HPD: variants seen among roughly 807,000 people sequenced by gnomAD.
HPD encodes 4-hydroxyphenylpyruvic acid oxidase.
Under a neutral mutation model 56.9 loss-of-function variants are expected in HPD, and 35 were observed. That is an observed-to-expected ratio of 0.62 (90% confidence interval 0.47 to 0.82). HPD has a LOEUF of 0.82. Ranked by LOEUF, HPD falls within the 40% of genes least tolerant of loss-of-function variation. The pLI is 0.00. For synonymous variants in HPD, 186 were observed against 200.2 expected, an observed-to-expected ratio of 0.93 and a Z score of 0.60; for missense variants, 442 against 506.8, an observed-to-expected ratio of 0.87 and a Z score of 1.23.
the HPD span, among the ~76,000 whole-genome samples, chr12:121,884,475 A>ATT: frequency 3.4e-5 from 5 of 146,930 alleles, no homozygotes; most frequent in African/African-American, 1.2e-4. Context: ...CCGCTAATTA[A>ATT]TTTTTTTTTT....
intron 6 of HPD, among the ~76,000 whole-genome samples, chr12:121,855,235 A>G (rs1025832199): frequency 6.6e-6 from 1 of 152,206 alleles, no homozygotes; most frequent in Admixed American, 6.6e-5. Context: ...TCACAGCAAC[A>G]TTATGCAAAA....
At chr12:121,867,890 G>C (rs547152500), upstream of HPD, among the ~76,000 whole-genome samples, 6 of 151,834 alleles carry the variant, frequency 4.0e-5, no homozygotes, top group African/African-American at 1.5e-4. Flanking sequence ...GGCTGGTCTT[G>C]AACTCCTGGC....
At chr12:121,857,235 A>C (rs1308997170) in intron 4 of HPD, 93 bp downstream of exon 4, 2 of 850,838 alleles carry the variant, frequency 2.4e-6, no homozygotes, top group African/African-American at 1.7e-5. Context: ...GCCCACCATC[A>C]TGCCCAGCTA....
At chr12:121,881,441 C>T in the HPD span, among the ~76,000 whole-genome samples, 1 of 152,078 alleles carries the variant, frequency 6.6e-6, no homozygotes, top group African/African-American at 2.4e-5. Context: ...CCCTGCCAGA[C>T]GTTGTTTTAG....
rs371372566 is a variant in HPD at position 121,856,288 on chromosome 12, G to T, written c.324+36C>A. The stretch of plus-strand genomic sequence containing the variant: ...GATGGGGTCCCCATGGCAGACGGAG[G>T]CCTTCCTCTCTCAGTCCACCCAGGT... On this transcript the variant is annotated intron_variant, in intron 6 of 13. Transcript: ENST00000289004. 1.8e-4 allele frequency: 277 copies of T among 1,552,222 alleles called. 1 individual carries two copies. Among genetic ancestry groups the T allele is most frequent in the Middle Eastern group, 5.0e-4 (3 of 5,960 alleles).
At chr12:121,864,301 C>T (rs1878263914), upstream of HPD, among the ~76,000 whole-genome samples, 1 of 151,910 alleles carries the variant, frequency 6.6e-6, no homozygotes, top group Non-Finnish European at 1.5e-5. Context: ...ACCTGTAATC[C>T]CAGCACTTTG....
chr12:121,842,259 G>C (rs1877431559), intron 12 of HPD, among the ~76,000 whole-genome samples: 1 of 152,008 alleles, frequency 6.6e-6, no homozygotes. Flanking sequence ...GAGTAGCTGG[G>C]ACTACAGGCA....
At chr12:121,886,572 T>C in the HPD span, among the ~76,000 whole-genome samples, 1 of 152,144 alleles carries the variant, frequency 6.6e-6, no homozygotes, top group Non-Finnish European at 1.5e-5. Flanking sequence ...TGCTAATTGT[T>C]ACATTTTGCC....
chr12:121,846,375 C>T (rs2137615092), intron 11 of HPD, among the ~76,000 whole-genome samples: 1 of 152,236 alleles, frequency 6.6e-6, no homozygotes, highest in South Asian at 2.1e-4. Flanking sequence ...CGCAACCACG[C>T]CCAGATAATT....
chr12:121,871,380 AT>A, the HPD span, among the ~76,000 whole-genome samples: 1 of 148,000 alleles, frequency 6.8e-6, no homozygotes, highest in African/African-American at 2.5e-5. Context: ...AAAAAAAAAA[AT>A]GCATCTAAAA....
At chr12:121,852,360 G>T (rs1877820577) in intron 7 of HPD, among the ~76,000 whole-genome samples, 1 of 151,658 alleles carries the variant, frequency 6.6e-6, no homozygotes, top group Non-Finnish European at 1.5e-5. Context: ...TGTAGAGATG[G>T]GGTCTCCCTA....
At position 121,839,594 on chromosome 12, in the gene HPD, G is replaced by C; in HGVS notation, c.*134C>G. The stretch of plus-strand genomic sequence containing the variant: ...GCGGCCCCGCCGAGGGGCGTGGTCA[G>C]TGTGGGCGGAGCCTTGGGGGCCGAG... On this transcript the variant is annotated 3_prime_UTR_variant, in exon 14 of 14. Coordinates refer to ENST00000289004, the MANE Select transcript of HPD (RefSeq NM_002150.3). 1.4e-6 allele frequency: 1 copy of C among 711,390 alleles called. No individual in the cohort carries two copies. 44.1% of individuals were successfully genotyped at this position (711,390 alleles called of 1,614,324 possible).
the HPD span, among the ~76,000 whole-genome samples, chr12:121,879,482 G>GTTCTCTTCTGTTCTC: frequency 6.8e-6 from 1 of 147,894 alleles, no homozygotes; most frequent in Non-Finnish European, 1.5e-5. Context: ...TTTCTCTTCT[G>GTTCTCTTCTGTTCTC]TTCTCTTCTC....
chr12:121,862,455 G>A (rs34478748), upstream of HPD, among the ~76,000 whole-genome samples: 4 of 151,678 alleles, frequency 2.6e-5, no homozygotes, highest in Non-Finnish European at 2.9e-5. Context: ...GTGCCACCAC[G>A]CCCAGCTAAT....
chr12:121,847,279 T>A (rs1341265067), intron 9 of HPD, 65 bp from the exon 10 acceptor site: 30 of 1,466,620 alleles, frequency 2.0e-5, no homozygotes, highest in Non-Finnish European at 2.9e-5. Flanking sequence ...CATCACCCAT[T>A]TCCACCTTCC....
At chr12:121,875,490 A>G in the HPD span, among the ~76,000 whole-genome samples, 2 of 149,200 alleles carry the variant, frequency 1.3e-5, no homozygotes, top group East Asian at 4.0e-4. Flanking sequence ...CAGTGGCTCA[A>G]TCTCGGCTCA....
rs1877929762 is a variant in HPD, at chr12:121,854,707, T to C, written c.410A>G (p.Gln137Arg). 6.2e-7 allele frequency: 1 copy of C among 1,612,424 alleles called. No homozygotes were observed. Among genetic ancestry groups the C allele is most frequent in the African/African-American group, 1.3e-5 (1 of 74,920 alleles). ...GGGGCACCAAAGGGAACTCACCGTC[T>C]GCAGCACAGCAAACTTCACCTTCCC... ...KFGKVKFAVL[Q>R]TYGDTTHTLV... The change falls in exon 7 of 14, where the codon CAG becomes CGG. Residue 137 changes from glutamine (Q) to arginine (R), a missense_variant. Gln to Arg is a conservative substitution (Grantham distance 43). Coordinates refer to ENST00000289004, the MANE Select transcript of HPD (RefSeq NM_002150.3).
chr12:121,874,000 G>C, the HPD span, among the ~76,000 whole-genome samples: 1 of 151,928 alleles, frequency 6.6e-6, no homozygotes, highest in Non-Finnish European at 1.5e-5. Context: ...ACAACAGCAA[G>C]AAAAAAATCT....
chr12:121,868,761 T>A, the HPD span, among the ~76,000 whole-genome samples: 1 of 152,126 alleles, frequency 6.6e-6, no homozygotes, highest in Non-Finnish European at 1.5e-5. Context: ...CCTCAAATGA[T>A]CCACCTGCCT....
Sources: gnomAD v4.1 joint callset for allele counts (sites outside exome capture counted in the v4.1 genomes callset) on GRCh38, gnomAD v4.1.1 for gene constraint, MANE v1.5 for transcripts, NCBI Gene and HGNC (gene_info 2026-07-23, HGNC 2026-07-21) for gene names.